CCSER1: variants seen among roughly 807,000 people sequenced by gnomAD.
CCSER1 encodes serine-rich coiled-coil domain-containing protein 1.
CCSER1 carries 41 observed loss-of-function variants against 82.0 expected under a neutral mutation model. That is an observed-to-expected ratio of 0.50 (90% CI 0.39 to 0.65). CCSER1 has a LOEUF of 0.65. Ranked by LOEUF, CCSER1 falls within the 30% of genes least tolerant of loss-of-function variation. CCSER1 has a pLI of 0.00. For missense variants in CCSER1, 1,119 were observed against 1,064.2 expected (o/e 1.05, Z -0.72); for synonymous variants, 414 against 383.9 (o/e 1.08, Z -0.92).
chr4:90,670,459 G>T (rs938736649), intron 6 of CCSER1, among the ~76,000 whole-genome samples: 1 of 151,996 alleles, frequency 6.6e-6, no homozygotes, highest in Non-Finnish European at 1.5e-5. Flanking sequence ...CCATATAATT[G>T]TCCCCACCTT....
intron 5 of CCSER1, among the ~76,000 whole-genome samples, chr4:90,613,163 C>A (rs1420124276): frequency 6.6e-6 from 1 of 151,948 alleles, no homozygotes; most frequent in Non-Finnish European, 1.5e-5. Context: ...CAGAAACCTA[C>A]TTTTGCTCAC....
At chr4:90,565,238 CTT>C (rs910431461) in intron 5 of CCSER1, among the ~76,000 whole-genome samples, 2 of 151,122 alleles carry the variant, frequency 1.3e-5, no homozygotes, top group African/African-American at 4.9e-5. Context: ...TATTTTACCT[CTT>C]TGGTTAATTT....
intron 1 of CCSER1, among the ~76,000 whole-genome samples, chr4:90,307,281 G>C (rs1050465758): frequency 2.6e-5 from 4 of 151,850 alleles, no homozygotes; most frequent in African/African-American, 9.7e-5. Flanking sequence ...ACATTAATAT[G>C]GTTCATAAAT....
At chr4:90,406,896 C>CA (rs1400238346) in intron 4 of CCSER1, among the ~76,000 whole-genome samples, 2 of 152,008 alleles carry the variant, frequency 1.3e-5, no homozygotes, top group Non-Finnish European at 2.9e-5. Context: ...ATGCCTACAT[C>CA]AAAAATTCTG....
chr4:90,432,752 G>A (rs1201784431), intron 4 of CCSER1, among the ~76,000 whole-genome samples: 1 of 152,064 alleles, frequency 6.6e-6, no homozygotes, highest in Admixed American at 6.6e-5. Flanking sequence ...ACCCTGCTGG[G>A]CTTAAATAAT....
intron 10 of CCSER1, among the ~76,000 whole-genome samples, chr4:91,529,760 G>A (rs1760932542): frequency 6.6e-6 from 1 of 151,944 alleles, no homozygotes; most frequent in Admixed American, 6.6e-5. Flanking sequence ...GACCATCTAA[G>A]GAAAGTTAAT....
At chr4:90,445,192 C>T (rs1760475546) in intron 4 of CCSER1, among the ~76,000 whole-genome samples, 1 of 152,016 alleles carries the variant, frequency 6.6e-6, no homozygotes, top group Non-Finnish European at 1.5e-5. Context: ...GCATGCCACA[C>T]CTCATGAAAT....
intron 10 of CCSER1, among the ~76,000 whole-genome samples, chr4:91,219,308 CTTTTTTTTTT>C (rs59884169): frequency 1.0e-5 from 1 of 99,896 alleles, no homozygotes; most frequent in Non-Finnish European, 1.9e-5. Context: ...TACAGTTTGG[CTTTTTTTTTT>C]TTTTTTTTTT....
At position 91,335,287 on chromosome 4, in the gene CCSER1, G is replaced by T. The variant is rs545786014; in HGVS notation, c.2217+249293G>T. Among the ~76,000 whole-genome samples, 48 of 152,080 alleles carry T rather than the reference G, an allele frequency of 3.2e-4. 1 individual carries two copies. The South Asian group carries it at 9.7e-3, about 31-fold the overall frequency. On this transcript the variant is annotated intron_variant, in intron 10 of 10. Coordinates refer to ENST00000509176, the MANE Select transcript of CCSER1 (RefSeq NM_001145065.2). ...CCCAATCCCCAGTGAACTTGCCCAC[G>T]CTATCACAGACTAAGCAGGATGGAG...
chr4:91,559,771 TA>T (rs1291942511), intron 10 of CCSER1, among the ~76,000 whole-genome samples: 2 of 135,218 alleles, frequency 1.5e-5, no homozygotes, highest in Non-Finnish European at 3.3e-5. Context: ...AGAAAAATTA[TA>T]TTTATTTTTT....
chr4:91,041,637 G>A (rs965558676), intron 9 of CCSER1, among the ~76,000 whole-genome samples: 4 of 152,038 alleles, frequency 2.6e-5, no homozygotes, highest in Admixed American at 6.6e-5. Context: ...CAGGCTTACC[G>A]GTTTTCAAAG....
chr4:90,311,220 A>G (rs891109836), intron 2 of CCSER1, among the ~76,000 whole-genome samples: 1 of 152,116 alleles, frequency 6.6e-6, no homozygotes, highest in Non-Finnish European at 1.5e-5. Context: ...AAGTTTTAAA[A>G]TTATATAAAA....
chr4:90,605,778 G>A (rs1784626530), intron 5 of CCSER1, among the ~76,000 whole-genome samples: 1 of 151,798 alleles, frequency 6.6e-6, no homozygotes. Context: ...GTGCCAGTGT[G>A]TTTACATTGA....
At chr4:90,287,343 T>C (rs1730088095) in intron 1 of CCSER1, among the ~76,000 whole-genome samples, 1 of 152,054 alleles carries the variant, frequency 6.6e-6, no homozygotes, top group African/African-American at 2.4e-5. Flanking sequence ...TGATTGAAAC[T>C]ACCTACATGT....
chr4:91,242,833 G>T (rs963074196), intron 10 of CCSER1, among the ~76,000 whole-genome samples: 1 of 152,144 alleles, frequency 6.6e-6, no homozygotes, highest in African/African-American at 2.4e-5. Context: ...AGATCTAAAG[G>T]TTGGGGGTCA....
chr4:91,223,462 A>G (rs1737912413), intron 10 of CCSER1, among the ~76,000 whole-genome samples: 1 of 152,164 alleles, frequency 6.6e-6, no homozygotes, highest in South Asian at 2.1e-4. Context: ...TTAGCATATG[A>G]TAGGAAGAAA....
intron 1 of CCSER1, among the ~76,000 whole-genome samples, chr4:90,222,013 T>G (rs138206153): frequency 3.3e-5 from 5 of 152,322 alleles, no homozygotes; most frequent in Non-Finnish European, 7.3e-5. Flanking sequence ...GTTTTCACTC[T>G]GTAACAGTAG....
intron 1 of CCSER1, among the ~76,000 whole-genome samples, chr4:90,233,047 A>C (rs1413127781): frequency 6.6e-6 from 1 of 152,010 alleles, no homozygotes; most frequent in African/African-American, 2.4e-5. Context: ...TAGTTCAACC[A>C]TTGTGGAAGT....
At chr4:90,158,938 A>T (rs1728886897) in intron 1 of CCSER1, among the ~76,000 whole-genome samples, 1 of 152,038 alleles carries the variant, frequency 6.6e-6, no homozygotes, top group Non-Finnish European at 1.5e-5. Context: ...AGTACCTCAG[A>T]TGGAAATGCA....
Sources: gnomAD v4.1 joint callset for allele counts (sites outside exome capture counted in the v4.1 genomes callset) on GRCh38, gnomAD v4.1.1 for gene constraint, MANE v1.5 for transcripts, NCBI Gene and HGNC (gene_info 2026-07-23, HGNC 2026-07-21) for gene names.